Variants in SORBS2 observed in about 807,000 individuals in gnomAD.
SORBS2 encodes the protein sorbin and SH3 domain-containing protein 2.
A neutral mutation model predicts 97.7 loss-of-function variants in SORBS2; 46 were observed. The ratio of observed to expected loss-of-function variants is 0.47; its 90% CI spans 0.37 to 0.60. SORBS2 has a LOEUF of 0.60. Ranked by LOEUF, SORBS2 falls within the 20% of genes least tolerant of loss-of-function variation. The pLI is 0.00. For synonymous variants in SORBS2, 476 were observed against 473.4 expected (o/e 1.01, Z -0.07); for missense variants, 1,316 against 1,282.3 (o/e 1.03, Z -0.40).
At chr4:185,626,103 C>CTAAA (rs142265554) in intron 6 of SORBS2, among the ~76,000 whole-genome samples, 8,234 of 152,226 alleles carry the variant, frequency 0.054, 706 homozygotes, top group African/African-American at 0.19. Context: ...AGGAATACCA[C>CTAAA]TAAATGGTCT....
intron 4 of SORBS2, among the ~76,000 whole-genome samples, chr4:185,632,262 T>C (rs1273260808): frequency 6.6e-6 from 1 of 152,206 alleles, no homozygotes; most frequent in Non-Finnish European, 1.5e-5. Flanking sequence ...AATGGAATCT[T>C]GTCTAGAAAC....
At chr4:185,781,602 C>T in intron 1 of SORBS2, among the ~76,000 whole-genome samples, 1 of 151,052 alleles carries the variant, frequency 6.6e-6, no homozygotes, top group South Asian at 2.1e-4. Context: ...GCCTCCCTTC[C>T]CTTGCCTCCG....
At chr4:185,786,043 T>A (rs2099054955) in intron 1 of SORBS2, among the ~76,000 whole-genome samples, 2 of 152,226 alleles carry the variant, frequency 1.3e-5, no homozygotes, top group African/African-American at 4.8e-5. Flanking sequence ...TAGAGACTTT[T>A]ACTTTGCTGT....
intron 1 of SORBS2, among the ~76,000 whole-genome samples, chr4:185,878,667 G>A (rs966611224): frequency 6.6e-6 from 1 of 152,264 alleles, no homozygotes; most frequent in Non-Finnish European, 1.5e-5. Flanking sequence ...ACTGGGACCC[G>A]CTGACACTCT....
chr4:185,864,353 A>G (rs1441721541), intron 1 of SORBS2, among the ~76,000 whole-genome samples: 1 of 152,234 alleles, frequency 6.6e-6, no homozygotes, highest in Non-Finnish European at 1.5e-5. Context: ...CTTAGAATTA[A>G]AGGACCACGT....
intron 1 of SORBS2, among the ~76,000 whole-genome samples, chr4:185,824,756 T>C (rs189328930): frequency 1.3e-3 from 196 of 152,248 alleles, no homozygotes; most frequent in Middle Eastern, 3.4e-3. Flanking sequence ...CATTATAAAA[T>C]TGAATCAACA....
chr4:185,658,553 C>T (rs569725184), upstream of SORBS2, among the ~76,000 whole-genome samples: 15 of 152,074 alleles, frequency 9.9e-5, no homozygotes, highest in Non-Finnish European at 2.2e-4. Flanking sequence ...GTCAGGACTG[C>T]CACTCAGAAA....
At chr4:185,865,824 T>C (rs751080595) in intron 1 of SORBS2, among the ~76,000 whole-genome samples, 1 of 152,224 alleles carries the variant, frequency 6.6e-6, no homozygotes, top group African/African-American at 2.4e-5. Context: ...TACTGTACTA[T>C]GAAAATTCTA....
At chr4:185,652,437 T>C (rs530864254) in intron 2 of SORBS2, among the ~76,000 whole-genome samples, 5 of 152,250 alleles carry the variant, frequency 3.3e-5, no homozygotes, top group African/African-American at 1.2e-4. Context: ...GAGTGCCTGG[T>C]TGTCCTCCAT....
In SORBS2 at chr4:185,830,598, T is replaced by G. The variant is rs560255445; in HGVS notation, c.-337-55232A>C. On this transcript the variant is annotated intron_variant, in intron 1 of 20. Coordinates refer to the SORBS2 transcript ENST00000284776. ...TGGCTTCTTCGGGGAAAGTAAAAGC[T>G]CATGGCCAAAGGATCAAGAACATTT... is the stretch of plus-strand genomic sequence containing the variant. Among the ~76,000 whole-genome samples, 6 of 152,310 alleles carry G rather than the reference T, an allele frequency of 3.9e-5. No individual in the cohort carries two copies. The South Asian group carries it at 1.2e-3, about 32-fold the overall frequency.
At chr4:185,601,860 C>T (rs1228684155) in intron 12 of SORBS2, among the ~76,000 whole-genome samples, 1 of 152,134 alleles carries the variant, frequency 6.6e-6, no homozygotes, top group African/African-American at 2.4e-5. Flanking sequence ...CCTGGTGGGA[C>T]CACAACCACT....
chr4:185,677,250 A>T (rs1294024992), intron 4 of SORBS2: 1 of 1,551,894 alleles, frequency 6.4e-7, no homozygotes, highest in Non-Finnish European at 8.7e-7. Flanking sequence ...TGGAGTACTA[A>T]TGGGGCTGCT....
intron 1 of SORBS2, among the ~76,000 whole-genome samples, chr4:185,798,565 C>T (rs1488265342): frequency 6.6e-6 from 1 of 152,152 alleles, no homozygotes; most frequent in African/African-American, 2.4e-5. Context: ...TTTTAAAAAG[C>T]CTCGTTTTTA....
In SORBS2 at chr4:185,710,842, G is replaced by A. The variant is rs182924502; in HGVS notation, c.-197-32020C>T. Among the ~76,000 whole-genome samples, 417 of 152,348 alleles carry A rather than the reference G, an allele frequency of 2.7e-3. 1 individual carries two copies. Among genetic ancestry groups the A allele is most frequent in the Non-Finnish European group, 4.7e-3 (320 of 68,028 alleles). On this transcript the variant is annotated intron_variant, in intron 2 of 20. Transcript: ENST00000284776. The stretch of plus-strand genomic sequence containing the variant: ...GGTGGTGCTGCCTGATGAGCTTAGG[G>A]AAACCCGGTAAACACCGATGTGCTC...
chr4:185,873,355 T>C (rs1459524439), intron 1 of SORBS2, among the ~76,000 whole-genome samples: 2 of 152,216 alleles, frequency 1.3e-5, no homozygotes, highest in Non-Finnish European at 2.9e-5. Flanking sequence ...TTCCTTCCCC[T>C]GAGTGCTAGC....
chr4:185,615,760 G>A (rs1280881560), intron 9 of SORBS2, among the ~76,000 whole-genome samples: 2 of 152,104 alleles, frequency 1.3e-5, no homozygotes, highest in African/African-American at 2.4e-5. Context: ...TTTCAGTGGG[G>A]CAAGAAGAAT....
chr4:185,774,465 A>G (rs528212915), intron 2 of SORBS2: 1 of 152,372 alleles, frequency 6.6e-6, no homozygotes, highest in Non-Finnish European at 1.5e-5. Context: ...AGCCACAATC[A>G]AAGTAAATGC....
chr4:185,926,573 A>T (rs2099263828), intron 1 of SORBS2, among the ~76,000 whole-genome samples: 1 of 151,170 alleles, frequency 6.6e-6, no homozygotes, highest in Admixed American at 6.6e-5. Flanking sequence ...TTTAATGGCA[A>T]TGTAGAATTC....
rs78978925 is a variant in SORBS2 at position 185,781,702 on chromosome 4, G to A, written c.-337-6336C>T. Among the ~76,000 whole-genome samples the A allele has an allele frequency of 5.3e-4, 56 of 106,566 alleles. 1 individual carries two copies. The highest frequency in any genetic ancestry group is 8.4e-4 in the East Asian group (3 of 3,572). The allele number at this position is 106,566 out of a possible 152,430, so 69.9% of individuals were successfully genotyped here. A position where few individuals can be genotyped will look rare whatever the true frequency, so the allele number is the denominator to read the frequency against. The stretch of plus-strand genomic sequence containing the variant: ...CTCCAGCCTCCCTTCCATTGCCTCC[G>A]GCCTCTCCAGCCTCCCTTCCATTCC... On this transcript the variant is annotated intron_variant, in intron 1 of 20. Coordinates refer to the SORBS2 transcript ENST00000284776.
Sources: gnomAD v4.1 joint callset for allele counts (sites outside exome capture counted in the v4.1 genomes callset) on GRCh38, gnomAD v4.1.1 for gene constraint, MANE v1.5 for transcripts, NCBI Gene and HGNC (gene_info 2026-07-23, HGNC 2026-07-21) for gene names.